ZNF813: variants seen among roughly 807,000 people sequenced by gnomAD.
The protein encoded by ZNF813 is zinc finger protein 813.
In ZNF813, 3 loss-of-function variants were observed where a neutral mutation model predicts 7.2. The observed-to-expected ratio is 0.42, with a 90% CI of 0.19 to 1.08. The LOEUF is 1.08. ZNF813 is among the 50% of genes least tolerant of loss of function. ZNF813 has a pLI of 0.30. For missense variants in ZNF813, 714 were observed against 753.3 expected, an observed-to-expected ratio of 0.95 and a Z score of 0.61; for synonymous variants, 227 against 256.3, an observed-to-expected ratio of 0.89 and a Z score of 1.09.
Position 53,492,161 on chromosome 19 carries a change from G to C in ZNF813, c.*75G>C, listed in dbSNP as rs1644509049. ...TGCAATGAGTGTGGCAAGACCTTCT[G>C]TCACAATTCAGTCCTTGTAATTCAT... On this transcript the variant is annotated 3_prime_UTR_variant, in exon 4 of 4. Transcript: ENST00000396403. The C allele has an allele frequency of 7.1e-6, 11 of 1,546,146 alleles. No individual in the cohort carries two copies. The highest frequency in any genetic ancestry group is 9.6e-6 in the Non-Finnish European group (11 of 1,142,560).
intron 1 of ZNF813, among the ~76,000 whole-genome samples, chr19:53,469,761 GGGA>G (rs1470540785): frequency 6.7e-5 from 10 of 150,360 alleles, no homozygotes; most frequent in African/African-American, 2.4e-4. Context: ...AAGCACAGCA[GGGA>G]GGACACCTGG....
In ZNF813 at chr19:53,485,163, AC is replaced by A. The variant is rs2086426182; in HGVS notation, c.15+1328del. On this transcript the variant is annotated intron_variant, in intron 2 of 3. Coordinates refer to ENST00000396403, the MANE Select transcript of ZNF813 (RefSeq NM_001004301.4). ...TTTTTTGCAAAAATTAGCTGAGCAC[AC>A]CTGCATTACTACAGATATCTGAAGA... is the stretch of plus-strand genomic sequence containing the variant. Among the ~76,000 whole-genome samples, 4 of 152,288 alleles carry A rather than the reference AC, an allele frequency of 2.6e-5. No homozygotes were observed. In the South Asian group the frequency reaches 8.3e-4, roughly 32 times the overall value.
At position 53,496,108 on chromosome 19, in the gene ZNF813, G is replaced by T; in HGVS notation, c.*4022G>T. The T allele has an allele frequency of 4.1e-6, 1 of 245,114 alleles. No homozygotes were observed. The highest frequency in any genetic ancestry group is 6.0e-5 in the South Asian group (1 of 16,600). 15.2% of individuals were successfully genotyped at this position (245,114 alleles called of 1,614,324 possible). A position where few individuals can be genotyped will look rare whatever the true frequency, so the allele number is the denominator to read the frequency against. On this transcript the variant is annotated 3_prime_UTR_variant, in exon 4 of 4. Coordinates refer to ENST00000396403, the MANE Select transcript of ZNF813 (RefSeq NM_001004301.4). ...TACAATCGCGTTACCATATCAAGCT[G>T]AAAATGTCACCACTATCTGGAGTGT... is the stretch of plus-strand genomic sequence containing the variant.
chr19:53,491,700 A>G lies in ZNF813; in HGVS notation c.1468A>G (p.Thr490Ala). The G allele has an allele frequency of 1.2e-6, 2 of 1,613,820 alleles. No homozygotes were observed. Among genetic ancestry groups the G allele is most frequent in the Non-Finnish European group, 8.5e-7 (1 of 1,179,804 alleles). Residue 490 changes from threonine (T) to alanine (A), a missense_variant, in exon 4 of 4, where the codon ACT (threonine) becomes GCT (alanine). Thr to Ala is a moderately conservative substitution (Grantham distance 58). Coordinates refer to ENST00000396403, the MANE Select transcript of ZNF813 (RefSeq NM_001004301.4). The stretch of plus-strand genomic sequence containing the variant: ...CCTCGTAATTCATACGGCAATTCAT[A>G]CTGGAGAGAAACCTTACAAGTGTAA... ...SALVIHTAIHTGEKPYKCNEC... is the reference protein window; with the variant it reads ...SALVIHTAIHAGEKPYKCNEC...
rs1461238799 is a variant in ZNF813 at position 53,490,945 on chromosome 19, T to C, written c.713T>C (p.Leu238Ser). ...TTAAGGAAACATCAAATAATCCATT[T>C]AGGAGAGAAACAATATAAATGTGAT... ...SLLRKHQIIH[L>S]GEKQYKCDVC... Residue 238 changes from leucine (L) to serine (S), a missense_variant, in exon 4 of 4, where the codon TTA (leucine) becomes TCA (serine). Leu to Ser is a moderately radical substitution (Grantham distance 145, BLOSUM62 -2). Transcript: ENST00000396403. The C allele has an allele frequency of 2.5e-6, 4 of 1,614,016 alleles. No homozygotes were observed. The African/African-American group carries it at 4.0e-5, about 16-fold the overall frequency.
chr19:53,476,852 C>A (rs993279975), intron 1 of ZNF813, among the ~76,000 whole-genome samples: 1 of 151,894 alleles, frequency 6.6e-6, no homozygotes, highest in African/African-American at 2.4e-5. Context: ...TAAGTAGAGA[C>A]GGGGTTTCAC....
chr19:53,468,432 A>G (rs2086339244), intron 1 of ZNF813, among the ~76,000 whole-genome samples: 1 of 152,200 alleles, frequency 6.6e-6, no homozygotes, highest in African/African-American at 2.4e-5. Flanking sequence ...GTATAGAGAA[A>G]GGACAGTGGG....
At chr19:53,470,257 T>TA (rs1486742989) in intron 1 of ZNF813, among the ~76,000 whole-genome samples, 2 of 152,334 alleles carry the variant, frequency 1.3e-5, no homozygotes, top group Non-Finnish European at 2.9e-5. Context: ...CAAACAGCGT[T>TA]ATGTTATAAC....
chr19:53,487,609 C>G (rs755494163), intron 3 of ZNF813, among the ~76,000 whole-genome samples: 1 of 151,256 alleles, frequency 6.6e-6, no homozygotes, highest in Non-Finnish European at 1.5e-5. Flanking sequence ...ACCAGTCTGG[C>G]TAACATGGCA....
intron 1 of ZNF813, among the ~76,000 whole-genome samples, chr19:53,468,215 T>TCC (rs2086336932): frequency 4.1e-5 from 2 of 49,352 alleles, no homozygotes; most frequent in Middle Eastern, 0.012. Context: ...TAAGGCGCCC[T>TCC]CGCGCCCCCC....
At position 53,491,590 on chromosome 19, in the gene ZNF813, C is replaced by T. The variant is rs773428799; in HGVS notation, c.1358C>T (p.Ala453Val). Residue 453 changes from alanine to valine, a missense_variant, in exon 4 of 4, where the codon GCC becomes GTC. Ala to Val is a moderately conservative substitution (Grantham distance 64). This residue lies in a region of ZNF813 where 563 missense variants were observed against 554.2 expected (regional missense o/e 1.02). Transcript: ENST00000396403. Reference sequence around the variant, plus strand: ...GTCAAGACGTTCAGTCGAAATTCAGCCCTTGTAATTCATAAGGCTATTCAT... The same window carrying T: ...GTCAAGACGTTCAGTCGAAATTCAGTCCTTGTAATTCATAAGGCTATTCAT... ...ECVKTFSRNS[A>V]LVIHKAIHIG... The T allele has an allele frequency of 6.2e-7, 1 of 1,612,646 alleles. No individual in the cohort carries two copies. The highest frequency in any genetic ancestry group is 1.1e-5 in the South Asian group (1 of 90,978).
At chr19:53,475,641 G>A (rs536681540) in intron 1 of ZNF813, among the ~76,000 whole-genome samples, 18 of 152,346 alleles carry the variant, frequency 1.2e-4, no homozygotes, top group Non-Finnish European at 1.5e-5. Flanking sequence ...CAGACGGTTA[G>A]TTGCTGTCCT....
intron 1 of ZNF813, among the ~76,000 whole-genome samples, chr19:53,477,761 C>T (rs557068517): frequency 6.6e-6 from 1 of 152,258 alleles, no homozygotes; most frequent in South Asian, 2.1e-4. Flanking sequence ...GTCCAGGCTG[C>T]AGTGAGCCGA....
rs144375132 is a variant in ZNF813, at chr19:53,468,840, T to C, written c.-74+1051T>C. ...CCCAGGGACCAGCAGGAGACAGAAG[T>C]CTTCCTCTTATCTCAACTGCAAAGA... On this transcript the variant is annotated intron_variant, in intron 1 of 3. Transcript: ENST00000396403. Among the ~76,000 whole-genome samples the C allele has an allele frequency of 3.2e-4, 48 of 152,028 alleles. 2 individuals carry two copies. Among genetic ancestry groups the C allele is most frequent in the East Asian group, 7.8e-4 (4 of 5,146 alleles).
At chr19:53,481,693 T>A (rs2086409314) in intron 1 of ZNF813, among the ~76,000 whole-genome samples, 1 of 152,176 alleles carries the variant, frequency 6.6e-6, no homozygotes, top group South Asian at 2.1e-4. Flanking sequence ...GTCTTAGTTC[T>A]ACAGCTGACC....
chr19:53,468,219 G>GCCCCC (rs34920971), intron 1 of ZNF813, among the ~76,000 whole-genome samples: 3 of 52,962 alleles, frequency 5.7e-5, no homozygotes, highest in South Asian at 7.1e-4. Flanking sequence ...GCGCCCTCGC[G>GCCCCC]CCCCCCCCCC....
chr19:53,469,719 C>T (rs1278805014), intron 1 of ZNF813, among the ~76,000 whole-genome samples: 2 of 55,666 alleles, frequency 3.6e-5, no homozygotes, highest in African/African-American at 1.3e-4. Context: ...GCAGACAGAG[C>T]AGAGTGGTGC....
At position 53,480,148 on chromosome 19, in the gene ZNF813, G is replaced by A. The variant is rs572502294; in HGVS notation, c.-73-3602G>A. ...TCCTCTGACCCTGACTCCGCCTGAG[G>A]CCAGCCTGCCCGAAGCTGACCTTTA... On this transcript the variant is annotated intron_variant, in intron 1 of 3. Coordinates refer to ENST00000396403, the MANE Select transcript of ZNF813 (RefSeq NM_001004301.4). 4.5e-5 allele frequency: 34 copies of A among 760,392 alleles called. No homozygotes were observed. In the East Asian group the frequency reaches 6.8e-4, roughly 15 times the overall value. The allele number at this position is 760,392 out of a possible 1,614,324, so 47.1% of individuals were successfully genotyped here.
At chr19:53,470,720 A>G (rs1257636179) in intron 1 of ZNF813, among the ~76,000 whole-genome samples, 3 of 150,362 alleles carry the variant, frequency 2.0e-5, no homozygotes, top group African/African-American at 7.4e-5. Flanking sequence ...GGAACATGGG[A>G]TAATTTTTTT....
Sources: gnomAD v4.1 joint callset for allele counts (sites outside exome capture counted in the v4.1 genomes callset) on GRCh38, gnomAD v4.1.1 for gene constraint, gnomAD v4.1.1 regional missense constraint, MANE v1.5 for transcripts, NCBI Gene and HGNC (gene_info 2026-07-23, HGNC 2026-07-21) for gene names.